The following USH2A variants were observed in gnomAD, a reference collection of about 807,000 sequenced individuals.
USH2A encodes Usher syndrome 2A (autosomal recessive, mild).
A neutral mutation model predicts 538.9 loss-of-function variants in USH2A; 443 were observed. The ratio of observed to expected loss-of-function variants is 0.82; its 90% confidence interval spans 0.76 to 0.89. USH2A has a LOEUF of 0.89. USH2A is among the 40% of genes least tolerant of loss of function. USH2A has a pLI of 0.00. For missense variants in USH2A, 6,633 were observed against 6,324.8 expected, an observed-to-expected ratio of 1.05 and a Z score of -1.65; for synonymous variants, 2,413 against 2,273.5, an observed-to-expected ratio of 1.06 and a Z score of -1.75.
chr1:215,715,915 C>G (rs1659469301), intron 61 of USH2A, among the ~76,000 whole-genome samples: 1 of 152,196 alleles, frequency 6.6e-6, no homozygotes, highest in Non-Finnish European at 1.5e-5. Context: ...CCATATGGCT[C>G]AATTTGTGTA....
chr1:215,781,547 A>C (rs1661635804), intron 54 of USH2A, among the ~76,000 whole-genome samples: 1 of 152,004 alleles, frequency 6.6e-6, no homozygotes, highest in Admixed American at 6.6e-5. Context: ...CTCGGTTCTG[A>C]CCTCTGCTGC....
chr1:215,685,358 T>G (rs1229220036), intron 61 of USH2A, among the ~76,000 whole-genome samples: 17 of 151,526 alleles, frequency 1.1e-4, no homozygotes, highest in East Asian at 3.9e-4. Flanking sequence ...GTTGTTGTTT[T>G]TTTTTTTGAG....
At chr1:216,251,519 C>T (rs1462736089) in intron 11 of USH2A, among the ~76,000 whole-genome samples, 1 of 127,378 alleles carries the variant, frequency 7.9e-6, no homozygotes, top group African/African-American at 2.9e-5. Flanking sequence ...GGCTCAATCT[C>T]GGCTCACTGC....
Position 216,086,793 on chromosome 1 carries a change from G to A in USH2A, c.4913C>T (p.Thr1638Ile), listed in dbSNP as rs1276954860. ...GACTCCTGTGTTATCTCCAATAACAGTACTACCATTCAGGATGGCAGAGGA... is the reference window on the plus strand; with the variant it reads ...GACTCCTGTGTTATCTCCAATAACAATACTACCATTCAGGATGGCAGAGGA... ...TGSSAILNGSTVIGDNTGVFL... is the reference protein window; with the variant it reads ...TGSSAILNGSIVIGDNTGVFL... The change falls in exon 24 of 72, where the codon ACT becomes ATT. Residue 1638 changes from threonine to isoleucine, a missense_variant. Thr to Ile is a moderately conservative substitution (Grantham distance 89). Coordinates refer to ENST00000307340, the MANE Select transcript of USH2A (RefSeq NM_206933.4). 1.2e-6 allele frequency: 2 copies of A among 1,612,672 alleles called. No homozygotes were observed. The highest frequency in any genetic ancestry group is 1.7e-5 in the Admixed American group (1 of 59,862).
chr1:215,982,537 T>A lies in USH2A; in HGVS notation c.6805+10483A>T, dbSNP rs1667774793. 6.6e-5 allele frequency among the ~76,000 whole-genome samples: 10 copies of A among 152,238 alleles called. No homozygotes were observed. The South Asian group carries it at 2.1e-3, about 31-fold the overall frequency. On this transcript the variant is annotated intron_variant, in intron 35 of 71. Coordinates refer to ENST00000307340, the MANE Select transcript of USH2A (RefSeq NM_206933.4). Reference sequence around the variant, plus strand: ...AATAGTTTCTTATATTTGTATGCTATCTTTTCATTTAAAATTCATTCCTTT... The same window carrying A: ...AATAGTTTCTTATATTTGTATGCTAACTTTTCATTTAAAATTCATTCCTTT...
intron 61 of USH2A, among the ~76,000 whole-genome samples, chr1:215,709,645 T>TAAAAAAAAAAAAAAAAAAAAAAAAAAAA: frequency 7.9e-6 from 1 of 127,036 alleles, no homozygotes; most frequent in Non-Finnish European, 1.6e-5. Flanking sequence ...AGATAATTTG[T>TAAAAAAAAAAAAAAAAAAAAAAAAAAAA]AAAAAAAAAA....
chr1:215,638,931 T>C (rs1472833877), intron 69 of USH2A, among the ~76,000 whole-genome samples: 1 of 151,404 alleles, frequency 6.6e-6, no homozygotes, highest in Non-Finnish European at 1.5e-5. Context: ...TGAGCCAAGA[T>C]TGCACCACTG....
chr1:216,217,762 C>T (rs1030505400), intron 14 of USH2A, among the ~76,000 whole-genome samples: 6 of 151,792 alleles, frequency 4.0e-5, no homozygotes, highest in Non-Finnish European at 1.5e-5. Flanking sequence ...TGGTAAAACC[C>T]GTATAAAGCT....
intron 58 of USH2A, among the ~76,000 whole-genome samples, chr1:215,756,939 C>CAAATAAAT (rs71159884): frequency 4.7e-4 from 68 of 145,070 alleles, no homozygotes; most frequent in African/African-American, 1.6e-3. Flanking sequence ...AACAAACAAA[C>CAAATAAAT]AAATAAATAA....
intron 13 of USH2A, among the ~76,000 whole-genome samples, chr1:216,245,910 TAAAC>T (rs1322995416): frequency 6.6e-6 from 1 of 152,182 alleles, no homozygotes; most frequent in Non-Finnish European, 1.5e-5. Context: ...GCACAGCTGT[TAAAC>T]AACGGATAAG....
intron 61 of USH2A, among the ~76,000 whole-genome samples, chr1:215,693,152 AT>A (rs34085776): frequency 0.18 from 25,729 of 144,718 alleles, 2,522 homozygotes; most frequent in African/African-American, 0.25. Context: ...ACACATATGT[AT>A]TTTTTTTTGT....
intron 3 of USH2A, among the ~76,000 whole-genome samples, chr1:216,380,879 A>G (rs2038911726): frequency 6.6e-6 from 1 of 152,066 alleles, no homozygotes; most frequent in Non-Finnish European, 1.5e-5. Context: ...CAATATTTCT[A>G]TTTGTTTGTA....
intron 3 of USH2A, among the ~76,000 whole-genome samples, chr1:216,394,741 C>T (rs1371825934): frequency 1.9e-4 from 4 of 21,568 alleles, no homozygotes; most frequent in Admixed American, 1.1e-3. Flanking sequence ...TTTTTTGAGA[C>T]AGAGTCTCGC....
intron 11 of USH2A, among the ~76,000 whole-genome samples, chr1:216,273,519 A>G (rs1207855670): frequency 1.3e-5 from 2 of 152,160 alleles, no homozygotes; most frequent in African/African-American, 2.4e-5. Context: ...AAACATAATA[A>G]TAATAAATAA....
At chr1:216,326,156 C>T (rs532849166) in intron 5 of USH2A, among the ~76,000 whole-genome samples, 2 of 152,326 alleles carry the variant, frequency 1.3e-5, no homozygotes, top group South Asian at 4.1e-4. Context: ...GCTTCATTGG[C>T]TTCAGATCAT....
chr1:215,818,390 C>T (rs543632803), intron 47 of USH2A, among the ~76,000 whole-genome samples: 122 of 151,404 alleles, frequency 8.1e-4, no homozygotes, highest in African/African-American at 2.7e-3. Context: ...TTTTTTGACT[C>T]ATCTAAATAG....
intron 44 of USH2A, among the ~76,000 whole-genome samples, chr1:215,865,699 G>A (rs565289337): frequency 6.6e-6 from 1 of 152,296 alleles, no homozygotes; most frequent in Admixed American, 6.5e-5. Context: ...TGGTTTAAGA[G>A]ATCCCAATAC....
chr1:216,398,559 C>T (rs557117610), intron 3 of USH2A, among the ~76,000 whole-genome samples: 1 of 151,302 alleles, frequency 6.6e-6, no homozygotes, highest in South Asian at 2.1e-4. Context: ...CACCCATACA[C>T]ACACACACAC....
intron 30 of USH2A, among the ~76,000 whole-genome samples, chr1:216,068,429 G>T (rs1326182503): frequency 6.6e-6 from 1 of 152,174 alleles, no homozygotes; most frequent in African/African-American, 2.4e-5. Context: ...AGATGTATCT[G>T]GGGGCTTGTT....
Sources: allele counts gnomAD v4.1 joint callset (sites outside exome capture counted in the v4.1 genomes callset), GRCh38; gene constraint gnomAD v4.1.1; transcripts MANE v1.5; gene names NCBI Gene and HGNC (gene_info 2026-07-23, HGNC 2026-07-21).